The following NAAA variants were observed in gnomAD, a reference collection of about 807,000 sequenced individuals.
The protein encoded by NAAA is N-acylethanolamine-hydrolyzing acid amidase.
In NAAA, 39 loss-of-function variants were observed where a neutral mutation model predicts 44.8. The ratio of observed to expected loss-of-function variants is 0.87; its 90% CI spans 0.67 to 1.14. The LOEUF is 1.14. NAAA is among the 50% of genes most tolerant of loss of function. The pLI, the probability that NAAA is intolerant of heterozygous loss-of-function variation, is 0.00. For synonymous variants in NAAA, 178 were observed against 191.3 expected (o/e 0.93, Z 0.58); for missense variants, 460 against 467.8 (o/e 0.98, Z 0.15).
chr4:75,938,670 T>C (rs1727943267), intron 2 of NAAA, among the ~76,000 whole-genome samples: 1 of 152,116 alleles, frequency 6.6e-6, no homozygotes, highest in Admixed American at 6.6e-5. Flanking sequence ...AAGCTCTAAG[T>C]ATGTACAAGA....
chr4:75,918,670 G>T, intron 9 of NAAA, 91 bp downstream of exon 9: 1 of 1,364,766 alleles, frequency 7.3e-7, no homozygotes. Context: ...GGTTACAGGA[G>T]CCCTCAGATC....
chr4:75,922,240 A>G (rs1726237751), intron 5 of NAAA, among the ~76,000 whole-genome samples: 1 of 152,036 alleles, frequency 6.6e-6, no homozygotes, highest in African/African-American at 2.4e-5. Context: ...AGGGCTTTGT[A>G]GAGTTTTCCT....
At chr4:75,936,847 G>C (rs28588114) in intron 2 of NAAA, among the ~76,000 whole-genome samples, 1 of 152,002 alleles carries the variant, frequency 6.6e-6, no homozygotes, top group East Asian at 1.9e-4. Context: ...GAGGAGGCTT[G>C]TTAAGTATCT....
intron 9 of NAAA, chr4:75,916,937 G>A (rs184399412): frequency 0.079 from 13,139 of 166,270 alleles, 903 homozygotes; most frequent in African/African-American, 0.19. Context: ...GCACCATGAC[G>A]CCTGGCTAAT....
At chr4:75,928,316 C>T (rs1363794335) in intron 4 of NAAA, among the ~76,000 whole-genome samples, 2 of 152,092 alleles carry the variant, frequency 1.3e-5, no homozygotes, top group South Asian at 2.1e-4. Flanking sequence ...AAAATAGTAG[C>T]AAGGAGATCA....
intron 3 of NAAA, among the ~76,000 whole-genome samples, chr4:75,934,593 T>C (rs1373539732): frequency 6.6e-6 from 1 of 151,832 alleles, no homozygotes; most frequent in Non-Finnish European, 1.5e-5. Context: ...TCCCAAAGTG[T>C]TGGGATTACA....
chr4:75,919,792 A>T, intron 8 of NAAA, 117 bp downstream of exon 8: 1 of 1,058,194 alleles, frequency 9.5e-7, no homozygotes, highest in South Asian at 1.3e-5. Context: ...ATTTCAACCA[A>T]ATAAAACTTT....
chr4:75,933,734 A>G (rs191191798), intron 3 of NAAA, among the ~76,000 whole-genome samples: 5 of 152,124 alleles, frequency 3.3e-5, no homozygotes, highest in Admixed American at 3.3e-4. Context: ...TTAGCAGGGA[A>G]TTTTAAGTTA....
downstream of NAAA, among the ~76,000 whole-genome samples, chr4:75,912,511 GC>G (rs1725368031): frequency 6.8e-6 from 1 of 146,826 alleles, no homozygotes; most frequent in Admixed American, 6.9e-5. Flanking sequence ...CCGAGATCGT[GC>G]CATCGCACTC....
chr4:75,940,696 C>A (rs771024895), intron 1 of NAAA, 48 bp downstream of exon 1: 6 of 1,557,200 alleles, frequency 3.9e-6, no homozygotes, highest in Non-Finnish European at 5.2e-6. Context: ...TTGACTCCGA[C>A]CCGCAGGGCC....
At chr4:75,913,630 TA>T (rs1156501539), downstream of NAAA, 6 of 952,782 alleles carry the variant, frequency 6.3e-6, no homozygotes, top group Non-Finnish European at 7.5e-6. Flanking sequence ...ACTTCGGAGG[TA>T]AAGAAAGCAG....
chr4:75,918,584 C>T (rs757234614), intron 9 of NAAA, among the ~76,000 whole-genome samples, 177 bp downstream of exon 9: 1 of 150,958 alleles, frequency 6.6e-6, no homozygotes, highest in Non-Finnish European at 1.5e-5. Context: ...CCATATTAGT[C>T]CCATGAGAGC....
rs1300146059 is a variant in NAAA, at chr4:75,918,806, C to T, written c.970-17G>A. 2 of 1,607,120 alleles carry T rather than the reference C, an allele frequency of 1.2e-6. No individual in the cohort carries two copies. The highest frequency in any genetic ancestry group is 2.7e-5 in the African/African-American group (2 of 74,660). Reference sequence around the variant, plus strand: ...CGACAAAATCTGCATAGGAAAAAGTCATTTTATAGAGAAGATTACATGGTA... The same window carrying T: ...CGACAAAATCTGCATAGGAAAAAGTTATTTTATAGAGAAGATTACATGGTA... On this transcript the variant is annotated splice_polypyrimidine_tract_variant and intron_variant, in intron 8 of 10. Coordinates refer to ENST00000286733, the MANE Select transcript of NAAA (RefSeq NM_014435.4).
chr4:75,938,626 A>C (rs1334088253), intron 2 of NAAA, among the ~76,000 whole-genome samples: 2 of 152,110 alleles, frequency 1.3e-5, no homozygotes, highest in Admixed American at 6.6e-5. Flanking sequence ...TTATTCCAAG[A>C]TCTTTTCTAC....
intron 5 of NAAA, among the ~76,000 whole-genome samples, chr4:75,922,965 C>T (rs1726313303): frequency 7.1e-6 from 1 of 141,696 alleles, no homozygotes; most frequent in Non-Finnish European, 1.5e-5. Context: ...AGTGCAAATG[C>T]ATCTATCTCA....
intron 3 of NAAA, among the ~76,000 whole-genome samples, chr4:75,932,666 A>T (rs4859569): frequency 0.25 from 37,937 of 151,834 alleles, 4,992 homozygotes; most frequent in East Asian, 0.42. Context: ...AATATATACA[A>T]AATTTTTTTT....
rs553863513 is a variant in NAAA at position 75,922,498 on chromosome 4, CAAG to C, written c.667-1378_667-1376del. ...GAAGGGAATGTATGGTCAGAGAGGC[CAAG>C]AAGAATCTAGACACACAGGCCTAGC... On this transcript the variant is annotated intron_variant, in intron 5 of 10. Transcript: ENST00000286733. Among the ~76,000 whole-genome samples the C allele has an allele frequency of 2.1e-3, 321 of 152,288 alleles. 1 individual carries two copies. Among genetic ancestry groups the C allele is most frequent in the African/African-American group, 7.6e-3 (316 of 41,564 alleles).
At chr4:75,916,600 A>C (rs1039467621) in intron 9 of NAAA, 7 of 152,262 alleles carry the variant, frequency 4.6e-5, no homozygotes, top group Non-Finnish European at 8.8e-5. Context: ...TCAGAGTTTT[A>C]ATAGAGGAAA....
At chr4:75,939,855 G>A (rs1277095754) in intron 2 of NAAA, 146 bp downstream of exon 2, 10 of 850,208 alleles carry the variant, frequency 1.2e-5, no homozygotes, top group Middle Eastern at 3.6e-4. Context: ...GATTTACCCA[G>A]AGAGGCAAAG....
Sources: gnomAD v4.1 joint callset for allele counts (sites outside exome capture counted in the v4.1 genomes callset) on GRCh38, gnomAD v4.1.1 for gene constraint, MANE v1.5 for transcripts, NCBI Gene and HGNC (gene_info 2026-07-23, HGNC 2026-07-21) for gene names.